SLIT2: variants seen among roughly 807,000 people sequenced by gnomAD.
SLIT2 encodes slit guidance ligand 2.
Under a neutral mutation model 185.7 loss-of-function variants are expected in SLIT2, and 41 were observed. That is an observed-to-expected ratio of 0.22 (90% CI 0.17 to 0.29). SLIT2 has a LOEUF of 0.29. Ranked by LOEUF, SLIT2 falls within the 10% of genes least tolerant of loss-of-function variation. The pLI is 1.00. For missense variants in SLIT2, 1,571 were observed against 1,909.0 expected, an observed-to-expected ratio of 0.82 and a Z score of 3.30; for synonymous variants, 693 against 680.2, an observed-to-expected ratio of 1.02 and a Z score of -0.29.
intron 9 of SLIT2, among the ~76,000 whole-genome samples, chr4:20,507,949 C>A (rs899342070): frequency 2.0e-5 from 3 of 151,788 alleles, no homozygotes; most frequent in Non-Finnish European, 2.9e-5. Context: ...ACATTTTAAG[C>A]TTAAAATTTT....
chr4:20,459,416 G>A (rs907948492), intron 4 of SLIT2, among the ~76,000 whole-genome samples: 1 of 152,126 alleles, frequency 6.6e-6, no homozygotes, highest in Non-Finnish European at 1.5e-5. Context: ...TGAGAAAATA[G>A]GAGTGAGGGT....
chr4:20,320,253 T>C (rs1406653812), intron 4 of SLIT2, among the ~76,000 whole-genome samples: 2 of 152,204 alleles, frequency 1.3e-5, no homozygotes, highest in Non-Finnish European at 1.5e-5. Context: ...AACATTCTCA[T>C]TCAGTTTCTT....
rs373913480 is a variant in SLIT2, at chr4:20,447,808, A to C, written c.396-19944A>C. On this transcript the variant is annotated intron_variant, in intron 4 of 36. Coordinates refer to ENST00000504154, the MANE Select transcript of SLIT2 (RefSeq NM_004787.4). ...CACACGCAAGTGCCCACATGAAAACAGTCAGTGAATGCAAAAGTAATTGCT... is the reference window on the plus strand; with the variant it reads ...CACACGCAAGTGCCCACATGAAAACCGTCAGTGAATGCAAAAGTAATTGCT... 4.6e-5 allele frequency among the ~76,000 whole-genome samples: 7 copies of C among 152,238 alleles called. No homozygotes were observed. The East Asian group carries it at 5.8e-4, about 13-fold the overall frequency.
At chr4:20,360,091 C>T (rs1722622361) in intron 4 of SLIT2, among the ~76,000 whole-genome samples, 1 of 152,104 alleles carries the variant, frequency 6.6e-6, no homozygotes, top group African/African-American at 2.4e-5. Context: ...GGACTCTGCT[C>T]ACTCCCTCTC....
chr4:20,482,919 A>G (rs947924390), intron 6 of SLIT2, among the ~76,000 whole-genome samples: 2 of 151,950 alleles, frequency 1.3e-5, no homozygotes, highest in Non-Finnish European at 2.9e-5. Context: ...CACTGAAAAG[A>G]CGATAATTTA....
chr4:20,620,380 G>A lies in SLIT2; in HGVS notation c.*1371G>A, dbSNP rs1271669390. ...TTGATAATGGTTTATAGTGAACTGT[G>A]CTCTTCCCTCATTAAAATCCCAGGG... On this transcript the variant is annotated 3_prime_UTR_variant, in exon 37 of 37. Coordinates refer to ENST00000504154, the MANE Select transcript of SLIT2 (RefSeq NM_004787.4). The A allele has an allele frequency of 2.2e-6, 1 of 455,032 alleles. No homozygotes were observed. The highest frequency in any genetic ancestry group is 2.0e-5 in the African/African-American group (1 of 50,104). The allele number at this position is 455,032 out of a possible 1,614,324, so 28.2% of individuals were successfully genotyped here. A position where few individuals can be genotyped will look rare whatever the true frequency, so the allele number is the denominator to read the frequency against.
At chr4:20,423,129 A>AT (rs997583833) in intron 4 of SLIT2, among the ~76,000 whole-genome samples, 2 of 152,080 alleles carry the variant, frequency 1.3e-5, no homozygotes, top group Non-Finnish European at 2.9e-5. Context: ...CAGTTTGCAT[A>AT]TACTAGACCC....
intron 30 of SLIT2, 134 bp downstream of exon 30, chr4:20,589,871 AT>A: frequency 4.6e-6 from 2 of 439,370 alleles, no homozygotes; most frequent in East Asian, 4.1e-5. Flanking sequence ...TATCAGTGAC[AT>A]TTTTTAAATG....
chr4:20,376,598 C>T (rs1041910991), intron 4 of SLIT2, among the ~76,000 whole-genome samples: 2 of 151,994 alleles, frequency 1.3e-5, no homozygotes, highest in Non-Finnish European at 2.9e-5. Flanking sequence ...TGATTTTCTT[C>T]CCTTTTAGCC....
At chr4:20,533,367 A>AT (rs1197093040) in intron 17 of SLIT2, 2 of 570,758 alleles carry the variant, frequency 3.5e-6, no homozygotes, top group East Asian at 3.0e-5. Context: ...TCACGCTGGC[A>AT]TTTTTTACCA....
intron 4 of SLIT2, among the ~76,000 whole-genome samples, chr4:20,330,400 G>A (rs1203332521): frequency 1.3e-5 from 2 of 151,968 alleles, no homozygotes; most frequent in South Asian, 2.1e-4. Flanking sequence ...TGATGTGGTC[G>A]GTGTTAGACT....
At chr4:20,561,535 A>G (rs992090803) in intron 26 of SLIT2, among the ~76,000 whole-genome samples, 3 of 151,770 alleles carry the variant, frequency 2.0e-5, no homozygotes, top group Non-Finnish European at 4.4e-5. Flanking sequence ...AGCCCAACCT[A>G]AAGCAATGAA....
intron 26 of SLIT2, among the ~76,000 whole-genome samples, chr4:20,566,038 G>A (rs920330570): frequency 2.6e-5 from 4 of 152,106 alleles, no homozygotes; most frequent in East Asian, 1.9e-4. Flanking sequence ...GATCAACAAC[G>A]CAAGCGTGGG....
At chr4:20,487,259 T>C (rs1348858094) in intron 7 of SLIT2, among the ~76,000 whole-genome samples, 2 of 152,122 alleles carry the variant, frequency 1.3e-5, no homozygotes, top group Non-Finnish European at 2.9e-5. Context: ...TCTACAAGTA[T>C]ACAGACATAG....
chr4:20,456,204 G>T (rs950994909), intron 4 of SLIT2, among the ~76,000 whole-genome samples: 5 of 142,356 alleles, frequency 3.5e-5, no homozygotes, highest in African/African-American at 5.3e-5. Context: ...CTTAATTTTT[G>T]CTCTTATTAA....
At position 20,253,872 on chromosome 4, in the gene SLIT2, C is replaced by G. The variant is rs769098401; in HGVS notation, c.57C>G (p.Ile19Met). ...LSLSLGLVLA[I>M]LNKVAPQACP... ...TGTCGCTGGGGTTAGTGCTGGCGAT[C>G]CTGAACAAGGTGGCACCGCAGGCGT... The change falls in exon 1 of 37, where the codon ATC becomes ATG. Residue 19 changes from isoleucine to methionine, a missense_variant. Around this residue, in one of 3 missense-constraint regions of SLIT2, gnomAD observed 1,202 missense variants for 1,416.4 expected, o/e 0.85. Transcript: ENST00000504154. The G allele has an allele frequency of 6.2e-7, 1 of 1,600,936 alleles. No individual in the cohort carries two copies. The highest frequency in any genetic ancestry group is 8.5e-7 in the Non-Finnish European group (1 of 1,179,912).
chr4:20,470,360 G>A (rs1352356827), intron 5 of SLIT2, among the ~76,000 whole-genome samples: 3 of 152,130 alleles, frequency 2.0e-5, no homozygotes, highest in African/African-American at 7.2e-5. Flanking sequence ...AAATGAATAT[G>A]CACAAGACCT....
chr4:20,583,858 G>A (rs1374306921), intron 29 of SLIT2, among the ~76,000 whole-genome samples: 1 of 151,642 alleles, frequency 6.6e-6, no homozygotes, highest in Non-Finnish European at 1.5e-5. Context: ...AAAAAGTTAG[G>A]TTCATAGATC....
At chr4:20,255,829 A>T (rs1356576702) in intron 1 of SLIT2, among the ~76,000 whole-genome samples, 2 of 152,182 alleles carry the variant, frequency 1.3e-5, no homozygotes, top group South Asian at 2.1e-4. Flanking sequence ...GATTTCAAAC[A>T]TGATGTTGTA....
Sources: allele counts gnomAD v4.1 joint callset (sites outside exome capture counted in the v4.1 genomes callset), GRCh38; gene constraint gnomAD v4.1.1; regional missense constraint gnomAD v4.1.1; transcripts MANE v1.5; gene names NCBI Gene and HGNC (gene_info 2026-07-23, HGNC 2026-07-21).